TPD52L1: variants seen among roughly 807,000 people sequenced by gnomAD.
TPD52L1 encodes TPD52 like 1.
In TPD52L1, 18 loss-of-function variants were observed where a neutral mutation model predicts 28.7. The observed-to-expected ratio is 0.63, with a 90% confidence interval of 0.43 to 0.93. TPD52L1 has a LOEUF of 0.93. Among genes scored for constraint, TPD52L1 ranks in the 40% least tolerant of loss-of-function variants. The pLI, the probability that TPD52L1 is intolerant of heterozygous loss-of-function variation, is 0.00. For missense variants in TPD52L1, 203 were observed against 254.8 expected, an observed-to-expected ratio of 0.80 and a Z score of 1.39; for synonymous variants, 75 against 88.8, an observed-to-expected ratio of 0.84 and a Z score of 0.88.
chr6:125,156,961 T>C (rs1030686917), intron 1 of TPD52L1, among the ~76,000 whole-genome samples: 1 of 152,232 alleles, frequency 6.6e-6, no homozygotes, highest in African/African-American at 2.4e-5. Flanking sequence ...TTGTTATTTA[T>C]AAAGCAGAGA....
intron 1 of TPD52L1, among the ~76,000 whole-genome samples, chr6:125,186,042 T>C (rs473623): frequency 0.43 from 65,329 of 151,566 alleles, 14,351 homozygotes; most frequent in East Asian, 0.66. Context: ...TATAGATGCG[T>C]GCCACCACGC....
Position 125,257,088 on chromosome 6 carries a change from G to C in TPD52L1, c.426-10G>C, listed in dbSNP as rs758396858. The C allele has an allele frequency of 1.2e-6, 2 of 1,609,028 alleles. No homozygotes were observed. Among genetic ancestry groups the C allele is most frequent in the African/African-American group, 2.7e-5 (2 of 74,798 alleles). ...CTTTGGAGCTGACCTCTCTCTTTTT[G>C]TTATTTTAGGAATTCTCCTACTTTC... On this transcript the variant is annotated splice_polypyrimidine_tract_variant and intron_variant, in intron 5 of 6. Coordinates refer to ENST00000534000, the MANE Select transcript of TPD52L1 (RefSeq NM_003287.4).
intron 1 of TPD52L1, among the ~76,000 whole-genome samples, chr6:125,195,610 A>G (rs1161525915): frequency 6.6e-6 from 1 of 152,218 alleles, no homozygotes; most frequent in Non-Finnish European, 1.5e-5. Context: ...AACAAATTGC[A>G]TTGTTGTCTT....
chr6:125,191,602 A>C (rs946537473), intron 1 of TPD52L1, among the ~76,000 whole-genome samples: 2 of 152,198 alleles, frequency 1.3e-5, no homozygotes, highest in Non-Finnish European at 2.9e-5. Context: ...TTGGCTGGCT[A>C]TCCTGGCATA....
intron 1 of TPD52L1, among the ~76,000 whole-genome samples, chr6:125,185,257 C>T (rs2114836352): frequency 6.6e-6 from 1 of 152,194 alleles, no homozygotes; most frequent in Middle Eastern, 3.4e-3. Flanking sequence ...CAGGTTAGGA[C>T]AGAGAGGCTT....
intron 3 of TPD52L1, among the ~76,000 whole-genome samples, chr6:125,246,000 A>G (rs915834598): frequency 1.7e-4 from 26 of 152,258 alleles, no homozygotes; most frequent in African/African-American, 6.0e-4. Context: ...ATTCAGTTGG[A>G]AGCTTCTTTC....
chr6:125,238,420 C>T (rs551744899), intron 3 of TPD52L1, among the ~76,000 whole-genome samples: 33 of 152,130 alleles, frequency 2.2e-4, no homozygotes, highest in African/African-American at 7.7e-4. Context: ...ATAAGTTTTT[C>T]GGGGGTGATT....
intron 3 of TPD52L1, among the ~76,000 whole-genome samples, chr6:125,229,718 T>C (rs1795829624): frequency 6.6e-6 from 1 of 152,210 alleles, no homozygotes; most frequent in African/African-American, 2.4e-5. Flanking sequence ...AAAGAAAACC[T>C]TGTACTTTTC....
chr6:125,259,036 C>T (rs1797764299), intron 6 of TPD52L1, among the ~76,000 whole-genome samples: 1 of 152,108 alleles, frequency 6.6e-6, no homozygotes, highest in African/African-American at 2.4e-5. Flanking sequence ...ATATGTATAA[C>T]CCTTTTTTAT....
chr6:125,250,050 TCTAAA>T (rs1797169757), intron 4 of TPD52L1, among the ~76,000 whole-genome samples: 1 of 152,196 alleles, frequency 6.6e-6, no homozygotes, highest in Admixed American at 6.5e-5. Flanking sequence ...ATAACATTTA[TCTAAA>T]CTAATTAAAT....
At chr6:125,172,591 ACAATT>A (rs1791560446) in intron 1 of TPD52L1, among the ~76,000 whole-genome samples, 1 of 112,548 alleles carries the variant, frequency 8.9e-6, no homozygotes, top group South Asian at 2.8e-4. Context: ...GTATATATAT[ACAATT>A]ATATATATAA....
chr6:125,207,716 A>G (rs911438116), intron 1 of TPD52L1, among the ~76,000 whole-genome samples: 1 of 152,166 alleles, frequency 6.6e-6, no homozygotes, highest in South Asian at 2.1e-4. Flanking sequence ...TTCACCCTCC[A>G]TGGGACTTGG....
chr6:125,172,548 ATATAAT>A (rs1214979459), intron 1 of TPD52L1, among the ~76,000 whole-genome samples: 1 of 100,806 alleles, frequency 9.9e-6, no homozygotes, highest in Non-Finnish European at 1.9e-5. Context: ...ATATATATAT[ATATAAT>A]ATATATACTA....
intron 3 of TPD52L1, among the ~76,000 whole-genome samples, chr6:125,246,862 A>C (rs571795425): frequency 6.6e-6 from 1 of 151,814 alleles, no homozygotes; most frequent in Non-Finnish European, 1.5e-5. Flanking sequence ...CATTTTTGAT[A>C]GGAAATGTCT....
intron 2 of TPD52L1, among the ~76,000 whole-genome samples, chr6:125,225,783 A>G (rs1036194484): frequency 6.6e-6 from 1 of 152,220 alleles, no homozygotes; most frequent in Non-Finnish European, 1.5e-5. Flanking sequence ...TACTCCTTGT[A>G]TCAGAATCTC....
At chr6:125,247,317 C>T (rs1416873707) in intron 3 of TPD52L1, among the ~76,000 whole-genome samples, 1 of 152,020 alleles carries the variant, frequency 6.6e-6, no homozygotes, top group Admixed American at 6.6e-5. Context: ...TGTTGATTTA[C>T]TATTATTCCT....
chr6:125,212,470 T>C (rs923084796), intron 1 of TPD52L1, among the ~76,000 whole-genome samples: 62 of 152,242 alleles, frequency 4.1e-4, no homozygotes, highest in African/African-American at 1.5e-3. Flanking sequence ...GTTTCAATCA[T>C]GGCCATGAAG....
intron 1 of TPD52L1, among the ~76,000 whole-genome samples, chr6:125,165,885 G>A (rs1049882628): frequency 1.3e-5 from 2 of 152,116 alleles, no homozygotes; most frequent in African/African-American, 2.4e-5. Context: ...ATATGGAATG[G>A]TTCAAATATG....
intron 4 of TPD52L1, chr6:125,253,259 A>T (rs1455492790): frequency 5.9e-6 from 1 of 168,934 alleles, no homozygotes; most frequent in Non-Finnish European, 1.3e-5. Flanking sequence ...TGAAAGTCTT[A>T]TGTTAACTTC....
Sources: gnomAD v4.1 joint callset for allele counts (sites outside exome capture counted in the v4.1 genomes callset) on GRCh38, gnomAD v4.1.1 for gene constraint, MANE v1.5 for transcripts, NCBI Gene and HGNC (gene_info 2026-07-23, HGNC 2026-07-21) for gene names.